The following RABEP1 variants were observed in gnomAD, a reference collection of about 807,000 sequenced individuals.
The protein encoded by RABEP1 is rab GTPase-binding effector protein 1.
In RABEP1, 51 loss-of-function variants were observed where a neutral mutation model predicts 123.4. That is an observed-to-expected ratio of 0.41 (90% CI 0.33 to 0.52). The LOEUF (loss-of-function observed/expected upper bound fraction) is 0.52, where lower values mean the gene tolerates loss of function less well. Among genes scored for constraint, RABEP1 ranks in the 20% least tolerant of loss-of-function variants. RABEP1 has a pLI of 0.16. For synonymous variants in RABEP1, 347 were observed against 355.2 expected (o/e 0.98, Z 0.26); for missense variants, 888 against 996.3 (o/e 0.89, Z 1.46).
chr17:5,386,196 C>G lies in RABEP1; in HGVS notation c.*2973C>G. On this transcript the variant is annotated 3_prime_UTR_variant, in exon 18 of 18. Coordinates refer to ENST00000537505, the MANE Select transcript of RABEP1 (RefSeq NM_004703.6). ...TGTTCAGTTCAGGTGTGAGTCAGCTCCTGGTGGTGTCAGAAGTTTACATGA... is the reference window on the plus strand; with the variant it reads ...TGTTCAGTTCAGGTGTGAGTCAGCTGCTGGTGGTGTCAGAAGTTTACATGA... 7 of 1,610,462 alleles carry G rather than the reference C, an allele frequency of 4.3e-6. No homozygotes were observed. The highest frequency in any genetic ancestry group is 5.9e-6 in the Non-Finnish European group (7 of 1,177,448).
rs2144410065 is a variant in RABEP1 at position 5,282,302 on chromosome 17, A to T, written c.-185A>T. 2.4e-6 allele frequency: 1 copy of T among 412,006 alleles called. No homozygotes were observed. Among genetic ancestry groups the T allele is most frequent in the East Asian group, 3.6e-5 (1 of 27,910 alleles). 25.5% of individuals were successfully genotyped at this position (412,006 alleles called of 1,614,324 possible). On this transcript the variant is annotated 5_prime_UTR_variant, in exon 1 of 18. Coordinates refer to ENST00000537505, the MANE Select transcript of RABEP1 (RefSeq NM_004703.6). ...TCCCGCTGTCAGGATGAGGAGGCGGAGGTCGGCGGTCGGGTCCGTCTCTGC... is the reference window on the plus strand; with the variant it reads ...TCCCGCTGTCAGGATGAGGAGGCGGTGGTCGGCGGTCGGGTCCGTCTCTGC...
intron 2 of RABEP1, among the ~76,000 whole-genome samples, chr17:5,328,695 G>A (rs1406817663): frequency 3.6e-5 from 5 of 139,634 alleles, no homozygotes; most frequent in Non-Finnish European, 6.1e-5. Context: ...GCTCACGCCT[G>A]TAATCCCAGC....
intron 12 of RABEP1, among the ~76,000 whole-genome samples, chr17:5,370,961 TTC>T (rs1910475516): frequency 6.7e-6 from 1 of 148,168 alleles, no homozygotes. Flanking sequence ...CTCCATTTGT[TTC>T]TCTTTTTTTT....
At chr17:5,315,492 T>C (rs2075286614) in intron 2 of RABEP1, among the ~76,000 whole-genome samples, 1 of 152,188 alleles carries the variant, frequency 6.6e-6, no homozygotes, top group African/African-American at 2.4e-5. Context: ...GATAATAACT[T>C]AGATTTTTAC....
At chr17:5,307,809 G>A (rs1446497975) in intron 1 of RABEP1, among the ~76,000 whole-genome samples, 3 of 152,280 alleles carry the variant, frequency 2.0e-5, no homozygotes, top group African/African-American at 7.2e-5. Flanking sequence ...TGAAAACATG[G>A]AAGAAAACCA....
intron 11 of RABEP1, among the ~76,000 whole-genome samples, chr17:5,367,336 A>G (rs1469918925): frequency 6.6e-6 from 1 of 151,466 alleles, no homozygotes; most frequent in East Asian, 2.0e-4. Context: ...CAGTGGCACG[A>G]TCTTGGCTCA....
At chr17:5,379,254 T>G (rs1360742211) in intron 15 of RABEP1, among the ~76,000 whole-genome samples, 1 of 152,224 alleles carries the variant, frequency 6.6e-6, no homozygotes, top group South Asian at 2.1e-4. Context: ...TCCCAGTCTT[T>G]TCTTTTTCTT....
chr17:5,361,384 T>C lies in RABEP1; in HGVS notation c.1272T>C (p.Tyr424=), dbSNP rs367786803. Residue 424 remains tyrosine, a synonymous_variant, in exon 9 of 18, where the codon TAT becomes TAC. Transcript: ENST00000537505. ...CATTGCAATCCAAAGCTTTAGGCTATAACTACAAAGCAAAATCTGCTGGAA... is the reference window on the plus strand; with the variant it reads ...CATTGCAATCCAAAGCTTTAGGCTACAACTACAAAGCAAAATCTGCTGGAA... ...SGSLQSKALG[Y]NYKAKSAGNL... 52 of 1,614,068 alleles carry C rather than the reference T, an allele frequency of 3.2e-5. No homozygotes were observed. The highest frequency in any genetic ancestry group is 4.3e-5 in the Non-Finnish European group (51 of 1,180,032).
At chr17:5,347,495 T>C (rs1908168261) in intron 6 of RABEP1, among the ~76,000 whole-genome samples, 1 of 152,114 alleles carries the variant, frequency 6.6e-6, no homozygotes. Context: ...ATAATAAAGC[T>C]GGGAATTTCT....
intron 8 of RABEP1, among the ~76,000 whole-genome samples, chr17:5,355,542 A>G (rs1908942534): frequency 6.6e-6 from 1 of 152,164 alleles, no homozygotes; most frequent in Non-Finnish European, 1.5e-5. Flanking sequence ...GTTCATGCTC[A>G]TGTGGCCTGT....
chr17:5,283,570 G>A (rs1257680715), intron 1 of RABEP1, among the ~76,000 whole-genome samples: 2 of 152,170 alleles, frequency 1.3e-5, no homozygotes, highest in African/African-American at 4.8e-5. Context: ...TATAATCAGC[G>A]TGTGTGCTTA....
intron 11 of RABEP1, 25 bp downstream of exon 11, chr17:5,365,263 GC>G: frequency 7.0e-7 from 1 of 1,422,380 alleles, no homozygotes; most frequent in Non-Finnish European, 9.6e-7. Context: ...ATAGACTGTG[GC>G]CCATGAGGGA....
At chr17:5,381,007 AC>A (rs1196063395) in intron 16 of RABEP1, among the ~76,000 whole-genome samples, 1 of 152,172 alleles carries the variant, frequency 6.6e-6, no homozygotes, top group African/African-American at 2.4e-5. Context: ...GGGCGTATTC[AC>A]TAAGTTTCCT....
chr17:5,351,107 T>C lies in RABEP1; in HGVS notation c.963+478T>C, dbSNP rs377236312. Among the ~76,000 whole-genome samples, 7 of 151,952 alleles carry C rather than the reference T, an allele frequency of 4.6e-5. No homozygotes were observed. In the East Asian group the frequency reaches 1.2e-3, roughly 25 times the overall value. ...TTGTGTGTAGCCAAGACAGTTCTTC[T>C]TCAGTGTGGCCCAGGGAAGCCAAAA... On this transcript the variant is annotated intron_variant, in intron 7 of 17. Coordinates refer to ENST00000537505, the MANE Select transcript of RABEP1 (RefSeq NM_004703.6).
intron 12 of RABEP1, among the ~76,000 whole-genome samples, chr17:5,369,072 G>A (rs1461933692): frequency 6.6e-6 from 1 of 151,982 alleles, no homozygotes; most frequent in Non-Finnish European, 1.5e-5. Context: ...TCGCGCCACT[G>A]CACTCCAGCC....
In RABEP1 at chr17:5,386,213, T is replaced by C. The variant is rs368772300; in HGVS notation, c.*2990T>C. 6 of 1,612,992 alleles carry C rather than the reference T, an allele frequency of 3.7e-6. No individual in the cohort carries two copies. The highest frequency in any genetic ancestry group is 3.3e-5 in the South Asian group (3 of 90,898). ...AGTCAGCTCCTGGTGGTGTCAGAAG[T>C]TTACATGATTGCGGATATCATTGAT... On this transcript the variant is annotated 3_prime_UTR_variant, in exon 18 of 18. Transcript: ENST00000537505.
chr17:5,290,996 GC>G (rs1209058273), intron 1 of RABEP1, among the ~76,000 whole-genome samples: 2 of 152,188 alleles, frequency 1.3e-5, no homozygotes, highest in East Asian at 3.8e-4. Flanking sequence ...AATCCAGGTT[GC>G]CGTGACTATT....
chr17:5,367,416 CA>C (rs1283900171), intron 11 of RABEP1, among the ~76,000 whole-genome samples: 11 of 150,858 alleles, frequency 7.3e-5, no homozygotes, highest in East Asian at 2.0e-4. Flanking sequence ...GGACTACAGG[CA>C]CCCGCCACCA....
At chr17:5,338,283 C>T (rs528010051) in intron 5 of RABEP1, 145 bp downstream of exon 5, 31 of 1,074,760 alleles carry the variant, frequency 2.9e-5, no homozygotes, top group Non-Finnish European at 3.6e-5. Flanking sequence ...AAAAAACTGC[C>T]GGGCGAGGTG....
Sources: gnomAD v4.1 joint callset for allele counts (sites outside exome capture counted in the v4.1 genomes callset) on GRCh38, gnomAD v4.1.1 for gene constraint, MANE v1.5 for transcripts, NCBI Gene and HGNC (gene_info 2026-07-23, HGNC 2026-07-21) for gene names.